SOX5: variants seen among roughly 807,000 people sequenced by gnomAD.
The protein encoded by SOX5 is SRY-box transcription factor 5.
SOX5 carries 9 observed loss-of-function variants against 92.0 expected under a neutral mutation model. That is an observed-to-expected ratio of 0.10 (90% confidence interval 0.06 to 0.17). The LOEUF is 0.17. SOX5 is among the 10% of genes least tolerant of loss of function. The probability of loss-of-function intolerance (pLI) is 1.00; values close to 1 mark genes in which losing one functional copy is unlikely to be tolerated. For missense variants in SOX5, 642 were observed against 944.5 expected (o/e 0.68, Z 4.20); for synonymous variants, 344 against 336.3 (o/e 1.02, Z -0.25).
chr12:23,996,856 G>A (rs1407164883), intron 4 of SOX5, among the ~76,000 whole-genome samples: 1 of 152,158 alleles, frequency 6.6e-6, no homozygotes, highest in East Asian at 1.9e-4. Flanking sequence ...ACTGAGTATG[G>A]AATTTTCTTT....
intron 3 of SOX5, among the ~76,000 whole-genome samples, chr12:24,213,951 T>C (rs1240605247): frequency 6.6e-6 from 1 of 150,754 alleles, no homozygotes; most frequent in African/African-American, 2.4e-5. Flanking sequence ...TAGTTTAAAA[T>C]ATATATATAT....
intron 2 of SOX5, among the ~76,000 whole-genome samples, chr12:24,338,027 A>G (rs1378840331): frequency 2.0e-5 from 3 of 152,202 alleles, no homozygotes; most frequent in Admixed American, 2.0e-4. Context: ...AAAATATCTT[A>G]AAATCATTCA....
At chr12:24,551,397 T>C (rs565566703) in intron 1 of SOX5, among the ~76,000 whole-genome samples, 1 of 152,338 alleles carries the variant, frequency 6.6e-6, no homozygotes, top group Non-Finnish European at 1.5e-5. Flanking sequence ...TCTAAGAATG[T>C]GCAGTTTTAT....
intron 3 of SOX5, among the ~76,000 whole-genome samples, chr12:23,821,728 T>C (rs1279379176): frequency 1.3e-5 from 2 of 152,166 alleles, no homozygotes; most frequent in African/African-American, 4.8e-5. Flanking sequence ...TTTGCCAGTA[T>C]TTTATTGAGG....
intron 2 of SOX5, among the ~76,000 whole-genome samples, chr12:24,329,783 G>A (rs1042209200): frequency 6.6e-6 from 1 of 152,204 alleles, no homozygotes; most frequent in African/African-American, 2.4e-5. Flanking sequence ...AGCACTTTGG[G>A]AGGCCAAGGC....
At chr12:24,318,042 C>T (rs1170131228) in intron 2 of SOX5, among the ~76,000 whole-genome samples, 1 of 152,024 alleles carries the variant, frequency 6.6e-6, no homozygotes, top group Admixed American at 6.6e-5. Context: ...GAAACCCCAT[C>T]TCTACTAAAA....
chr12:23,845,421 C>T (rs1174497534), intron 3 of SOX5, among the ~76,000 whole-genome samples: 1 of 152,062 alleles, frequency 6.6e-6, no homozygotes, highest in Non-Finnish European at 1.5e-5. Context: ...AGGTTCCTAT[C>T]AGGAACTATT....
intron 4 of SOX5, among the ~76,000 whole-genome samples, chr12:24,132,785 T>A (rs1949769774): frequency 6.6e-6 from 1 of 152,084 alleles, no homozygotes; most frequent in Admixed American, 6.6e-5. Context: ...AAATTTTGAA[T>A]CCTAACATTC....
intron 4 of SOX5, among the ~76,000 whole-genome samples, chr12:24,203,661 T>C (rs912942633): frequency 6.6e-6 from 1 of 152,212 alleles, no homozygotes; most frequent in Non-Finnish European, 1.5e-5. Context: ...TGAATCAGTT[T>C]TGGAAATGCT....
At chr12:24,449,898 T>C (rs762834533) in intron 1 of SOX5, among the ~76,000 whole-genome samples, 1 of 152,172 alleles carries the variant, frequency 6.6e-6, no homozygotes, top group African/African-American at 2.4e-5. Context: ...TGAAATCCTC[T>C]CCTGAAGTGT....
intron 1 of SOX5, among the ~76,000 whole-genome samples, chr12:23,909,054 A>C (rs753327086): frequency 3.9e-5 from 6 of 152,166 alleles, no homozygotes; most frequent in Non-Finnish European, 7.4e-5. Context: ...TAAAAATTCA[A>C]AGGTTGTGGC....
intron 1 of SOX5, among the ~76,000 whole-genome samples, chr12:23,937,441 A>G (rs1177938729): frequency 6.6e-6 from 1 of 150,958 alleles, no homozygotes; most frequent in Non-Finnish European, 1.5e-5. Context: ...ATAGTGATGA[A>G]ACAGTACTGC....
intron 9 of SOX5, among the ~76,000 whole-genome samples, chr12:23,578,899 T>C (rs367836676): frequency 2.0e-4 from 30 of 152,216 alleles, no homozygotes; most frequent in East Asian, 5.8e-4. Flanking sequence ...GGATCAAAGA[T>C]GGCTGTTTTA....
intron 3 of SOX5, among the ~76,000 whole-genome samples, chr12:23,808,680 T>C (rs2095823831): frequency 6.6e-6 from 1 of 152,162 alleles, no homozygotes; most frequent in African/African-American, 2.4e-5. Context: ...CTTTCCATAG[T>C]TTTATGGATT....
chr12:24,364,511 CATATATATATATATATATATAT>C (rs58135899), intron 2 of SOX5, among the ~76,000 whole-genome samples: 2 of 110,524 alleles, frequency 1.8e-5, no homozygotes, highest in Admixed American at 1.0e-4. Context: ...AACATTTTTT[CATATATATATATATATATATAT>C]ATATATATAT....
intron 2 of SOX5, among the ~76,000 whole-genome samples, chr12:24,342,008 T>A (rs753622062): frequency 4.6e-5 from 7 of 152,362 alleles, no homozygotes; most frequent in East Asian, 3.9e-4. Flanking sequence ...TGACATAAGA[T>A]GTGCTTTCCT....
At chr12:24,228,698 T>G (rs1962653467) in intron 3 of SOX5, among the ~76,000 whole-genome samples, 1 of 152,112 alleles carries the variant, frequency 6.6e-6, no homozygotes, top group African/African-American at 2.4e-5. Context: ...CTCTCACACA[T>G]GCATGCATGC....
At chr12:24,143,155 T>G (rs1005628229) in intron 4 of SOX5, among the ~76,000 whole-genome samples, 9 of 152,194 alleles carry the variant, frequency 5.9e-5, no homozygotes, top group African/African-American at 2.2e-4. Context: ...ACTTTGGTCC[T>G]ACCTAACAAA....
At chr12:24,230,286 C>T (rs957591680) in intron 3 of SOX5, among the ~76,000 whole-genome samples, 28 of 152,058 alleles carry the variant, frequency 1.8e-4, no homozygotes, top group African/African-American at 5.8e-4. Context: ...GACCTTGCTG[C>T]TCCTGGCCCA....
Sources: allele counts gnomAD v4.1 joint callset (sites outside exome capture counted in the v4.1 genomes callset), GRCh38; gene constraint gnomAD v4.1.1; transcripts MANE v1.5; gene names NCBI Gene and HGNC (gene_info 2026-07-23, HGNC 2026-07-21).